The following MUC7 variants were observed in gnomAD, a reference collection of about 807,000 sequenced individuals.
MUC7 encodes mucin-7.
MUC7 carries 2 observed loss-of-function variants against 2.5 expected under a neutral mutation model. The ratio of observed to expected loss-of-function variants is 0.81; its 90% CI spans 0.33 to 2.55. MUC7 has a LOEUF of 2.55. MUC7 is among the 30% of genes most tolerant of loss of function. The pLI, the probability that MUC7 is intolerant of heterozygous loss-of-function variation, is 0.11. For missense variants in MUC7, 408 were observed against 455.6 expected (o/e 0.90, Z 0.95); for synonymous variants, 133 against 173.4 (o/e 0.77, Z 1.83).
At chr4:70,479,494 TA>T (rs1735106907) in intron 2 of MUC7, among the ~76,000 whole-genome samples, 1 of 152,226 alleles carries the variant, frequency 6.6e-6, no homozygotes, top group South Asian at 2.1e-4. Context: ...TTTGGTCATC[TA>T]AAAAGGGCTT....
At chr4:70,446,675 A>T (rs1182716762) in intron 1 of MUC7, among the ~76,000 whole-genome samples, 5 of 152,130 alleles carry the variant, frequency 3.3e-5, no homozygotes, top group Non-Finnish European at 7.4e-5. Flanking sequence ...ATTTCAACAC[A>T]TCTTTTGGTG....
At position 70,482,019 on chromosome 4, in the gene MUC7, A is replaced by C; in HGVS notation, c.*141A>C. 2.8e-6 allele frequency: 3 copies of C among 1,052,748 alleles called. No homozygotes were observed. The South Asian group carries it at 5.1e-5, about 18-fold the overall frequency. The allele number at this position is 1,052,748 out of a possible 1,614,324, so 65.2% of individuals were successfully genotyped here. ...GCACTATCATTAATCTTTCAATCTA[A>C]TTATTCACCACCACAAGACCTATTA... On this transcript the variant is annotated 3_prime_UTR_variant, in exon 3 of 3. Transcript: ENST00000304887.
At chr4:70,457,107 A>G (rs13137818) in intron 1 of MUC7, among the ~76,000 whole-genome samples, 122,913 of 152,160 alleles carry the variant, frequency 0.81, 50,115 homozygotes, top group Middle Eastern at 0.88. Flanking sequence ...GCAGGGGATT[A>G]ATGTTCTTCA....
At chr4:70,454,953 G>A (rs1313386926) in intron 1 of MUC7, among the ~76,000 whole-genome samples, 1 of 152,112 alleles carries the variant, frequency 6.6e-6, no homozygotes, top group Non-Finnish European at 1.5e-5. Context: ...TCCATTCTCA[G>A]TTATGTACTA....
intron 1 of MUC7, among the ~76,000 whole-genome samples, chr4:70,452,027 C>T (rs1332531032): frequency 2.6e-5 from 4 of 152,170 alleles, no homozygotes; most frequent in African/African-American, 9.7e-5. Flanking sequence ...TTATTTGTCT[C>T]TTCTCAAATT....
chr4:70,432,542 C>T (rs185024430), intron 1 of MUC7, among the ~76,000 whole-genome samples: 68 of 152,362 alleles, frequency 4.5e-4, no homozygotes, highest in Admixed American at 7.8e-4. Flanking sequence ...GCATAAATGT[C>T]TTCTTTTGAG....
intron 1 of MUC7, among the ~76,000 whole-genome samples, chr4:70,434,198 T>A (rs756138750): frequency 2.6e-5 from 4 of 152,164 alleles, no homozygotes; most frequent in Non-Finnish European, 5.9e-5. Context: ...TTGTTGTGTC[T>A]CTGCCAGGTT....
intron 1 of MUC7, among the ~76,000 whole-genome samples, chr4:70,439,666 C>T (rs1371141549): frequency 6.6e-6 from 1 of 151,878 alleles, no homozygotes; most frequent in Admixed American, 6.6e-5. Flanking sequence ...CACCATGGAC[C>T]TATTGTACAA....
rs767498327 is a variant in MUC7 at position 70,481,118 on chromosome 4, C to A, written c.374C>A (p.Thr125Asn). Residue 125 changes from threonine to asparagine, a missense_variant, in exon 3 of 3, where the codon ACC becomes AAC. Coordinates refer to ENST00000304887, the MANE Select transcript of MUC7 (RefSeq NM_152291.3). ...TFPSASTKIT[T>N]LPNVTFLPQN... ...CCATCAGCTTCCACCAAAATTACTA[C>A]CCTTCCAAATGTGACTTTTCTTCCC... 1.2e-6 allele frequency: 2 copies of A among 1,614,172 alleles called. No individual in the cohort carries two copies. The highest frequency in any genetic ancestry group is 1.7e-6 in the Non-Finnish European group (2 of 1,180,028).
chr4:70,450,601 A>G (rs540577606), intron 1 of MUC7, among the ~76,000 whole-genome samples: 59 of 152,312 alleles, frequency 3.9e-4, no homozygotes, highest in Non-Finnish European at 7.3e-4. Context: ...AAGGTACTCA[A>G]TGTAGTACTT....
chr4:70,468,697 G>A (rs7658007), upstream of MUC7, among the ~76,000 whole-genome samples: 81,988 of 151,906 alleles, frequency 0.54, 22,463 homozygotes, highest in East Asian at 0.78. Context: ...TACAACTTAC[G>A]AGGGATGTGA....
intron 1 of MUC7, among the ~76,000 whole-genome samples, chr4:70,451,658 T>G (rs1214657044): frequency 2.0e-5 from 3 of 152,216 alleles, no homozygotes; most frequent in Non-Finnish European, 4.4e-5. Context: ...TTTAATGTTT[T>G]AAGACTTGTT....
intron 1 of MUC7, among the ~76,000 whole-genome samples, chr4:70,439,438 T>C (rs1733948214): frequency 6.6e-6 from 1 of 152,166 alleles, no homozygotes; most frequent in Non-Finnish European, 1.5e-5. Context: ...TTAAAAGCAC[T>C]CTGCCTCCTG....
At chr4:70,469,579 C>T (rs1203881567), upstream of MUC7, among the ~76,000 whole-genome samples, 1 of 152,128 alleles carries the variant, frequency 6.6e-6, no homozygotes. Context: ...CAAACAACCC[C>T]ATCAAAAAGT....
chr4:70,460,053 T>TA (rs1041480616), intron 1 of MUC7, among the ~76,000 whole-genome samples: 2 of 152,004 alleles, frequency 1.3e-5, no homozygotes, highest in African/African-American at 4.8e-5. Flanking sequence ...CTTCCTAAAT[T>TA]AAAGTTATGG....
intron 1 of MUC7, among the ~76,000 whole-genome samples, chr4:70,449,012 CTATT>C (rs1417348850): frequency 2.6e-5 from 4 of 152,154 alleles, no homozygotes; most frequent in Admixed American, 2.6e-4. Context: ...TTTCCCAGCA[CTATT>C]TATTGAAGAG....
chr4:70,465,912 T>G (rs938442001), intron 1 of MUC7, among the ~76,000 whole-genome samples: 8 of 152,084 alleles, frequency 5.3e-5, no homozygotes, highest in Non-Finnish European at 7.4e-5. Flanking sequence ...ACAAGGATAC[T>G]CATTGAGAAG....
Position 70,481,876 on chromosome 4 carries a change from T to C in MUC7, c.1132T>C (p.Ter378GlnextTer31). 2.5e-6 allele frequency: 4 copies of C among 1,612,958 alleles called. No individual in the cohort carries two copies. The highest frequency in any genetic ancestry group is 3.4e-6 in the Non-Finnish European group (4 of 1,179,492). The change falls in exon 3 of 3, where the codon TAG becomes CAG. Residue 378 changes from the stop codon to glutamine (Q), a stop_lost. Transcript: ENST00000304887. Reference sequence around the variant, plus strand: ...AATTATTGACGACATGGTGGAGCAATAGTATATTGTATGTTGTAAAGTGTT... The same window carrying C: ...AATTATTGACGACATGGTGGAGCAACAGTATATTGTATGTTGTAAAGTGTT... The part of the protein sequence containing the change: ...NRIIDDMVEQ[*>Q]
intron 1 of MUC7, among the ~76,000 whole-genome samples, chr4:70,459,342 A>G (rs542231627): frequency 9.2e-5 from 14 of 152,164 alleles, no homozygotes; most frequent in Non-Finnish European, 1.6e-4. Context: ...AAAAAACCAA[A>G]CACCGCATGT....
Sources: gnomAD v4.1 joint callset for allele counts (sites outside exome capture counted in the v4.1 genomes callset) on GRCh38, gnomAD v4.1.1 for gene constraint, MANE v1.5 for transcripts, NCBI Gene and HGNC (gene_info 2026-07-23, HGNC 2026-07-21) for gene names.